Variants in PRSS16 observed in about 807,000 individuals in gnomAD.
The protein encoded by PRSS16 is serine protease 16.
A neutral mutation model predicts 61.7 loss-of-function variants in PRSS16; 43 were observed. The ratio of observed to expected loss-of-function variants is 0.70; its 90% CI spans 0.55 to 0.90. The LOEUF (loss-of-function observed/expected upper bound fraction) is 0.90, where lower values mean the gene tolerates loss of function less well. Among genes scored for constraint, PRSS16 ranks in the 40% least tolerant of loss-of-function variants. The pLI, the probability that PRSS16 is intolerant of heterozygous loss-of-function variation, is 0.00. For missense variants in PRSS16, 591 were observed against 659.1 expected (o/e 0.90, Z 1.13); for synonymous variants, 273 against 285.2 (o/e 0.96, Z 0.43).
intron 9 of PRSS16, chr6:27,253,444 C>T: frequency 2.3e-6 from 1 of 430,072 alleles, no homozygotes; most frequent in South Asian, 1.7e-5. Flanking sequence ...ATGGTTTTCA[C>T]TTCCTCTGTA....
intron 3 of PRSS16, 60 bp downstream of exon 3, chr6:27,249,006 T>G (rs1301054760): frequency 4.6e-6 from 7 of 1,533,962 alleles, no homozygotes; most frequent in Non-Finnish European, 6.3e-6. Flanking sequence ...GAAGGGGAGC[T>G]GCATATTGCA....
intron 4 of PRSS16, 152 bp downstream of exon 4, chr6:27,249,381 T>C (rs1561772595): frequency 1.0e-6 from 1 of 981,026 alleles, no homozygotes; most frequent in Non-Finnish European, 1.5e-6. Flanking sequence ...TAGGGTCTTG[T>C]TTTTTCTCTT....
chr6:27,252,790 A>G lies in PRSS16; in HGVS notation c.1009-18A>G. The G allele has an allele frequency of 4.3e-6, 7 of 1,613,796 alleles. No homozygotes were observed. Among genetic ancestry groups the G allele is most frequent in the East Asian group, 2.2e-5 (1 of 44,866 alleles). ...GAGAGGAGGAATTTATGTCTTATGT[A>G]TGTACATTGTTCCCTAGATTGTCTT... On this transcript the variant is annotated intron_variant, in intron 8 of 11. Transcript: ENST00000230582. The surrounding 1 kb of genome is among the most constrained non-coding windows in gnomAD (Gnocchi z 4.2).
At chr6:27,249,903 C>T (rs775285290) in intron 4 of PRSS16, among the ~76,000 whole-genome samples, 25 of 152,186 alleles carry the variant, frequency 1.6e-4, no homozygotes, top group Admixed American at 2.6e-4. Flanking sequence ...CCTCTCACCC[C>T]AGCCTCCTTC....
intron 2 of PRSS16, among the ~76,000 whole-genome samples, chr6:27,248,495 T>C (rs1003115687): frequency 6.6e-6 from 1 of 152,080 alleles, no homozygotes; most frequent in Non-Finnish European, 1.5e-5. Flanking sequence ...CTGTATTTAG[T>C]CTCCAAATAT....
Position 27,247,746 on chromosome 6 carries a change from C to T in PRSS16, c.9C>T (p.Val3=). Residue 3 remains valine (V), a synonymous_variant, in exon 1 of 12, where the codon GTC becomes GTT. Coordinates refer to ENST00000230582, the MANE Select transcript of PRSS16 (RefSeq NM_005865.4). MA[V]WLAQWLGPLL... ...ACAGAGTCCCGAACACCATGGCCGT[C>T]TGGCTTGCCCAGTGGCTGGGCCCTC... 6.3e-7 allele frequency: 1 copy of T among 1,577,520 alleles called. No homozygotes were observed. Among genetic ancestry groups the T allele is most frequent in the Non-Finnish European group, 8.6e-7 (1 of 1,161,342 alleles).
chr6:27,249,266 A>T, intron 4 of PRSS16, 37 bp downstream of exon 4: 1 of 1,601,154 alleles, frequency 6.2e-7, no homozygotes, highest in Non-Finnish European at 8.5e-7. Flanking sequence ...TGGTCAAAGG[A>T]CAGGAATGTC....
intron 2 of PRSS16, among the ~76,000 whole-genome samples, chr6:27,248,364 C>T (rs1212441762): frequency 1.3e-5 from 2 of 151,834 alleles, no homozygotes; most frequent in African/African-American, 4.8e-5. Flanking sequence ...CAAAACCTAC[C>T]ACCAGGTCTC....
chr6:27,255,160 G>C lies in PRSS16; in HGVS notation c.1476+29G>C. The C allele has an allele frequency of 6.2e-7, 1 of 1,614,064 alleles. No homozygotes were observed. The highest frequency in any genetic ancestry group is 8.5e-7 in the Non-Finnish European group (1 of 1,179,986). On this transcript the variant is annotated intron_variant, in intron 11 of 11. Coordinates refer to ENST00000230582, the MANE Select transcript of PRSS16 (RefSeq NM_005865.4). This position sits in a 1 kb window ranked among gnomAD's most constrained non-coding sequence, Gnocchi z 4.4. ...AGAGAAAAAAGGCTCTGAATCATTT[G>C]CATTCTCATTTGAATAATCACTTGC... is the stretch of plus-strand genomic sequence containing the variant.
chr6:27,249,433 T>C (rs1465788001), intron 4 of PRSS16, among the ~76,000 whole-genome samples: 1 of 152,154 alleles, frequency 6.6e-6, no homozygotes, highest in Non-Finnish European at 1.5e-5. Flanking sequence ...GTCTTTCTCT[T>C]ATCCTGTGTT....
Position 27,251,223 on chromosome 6 carries a change from T to A in PRSS16, c.676T>A (p.Ser226Thr). ...CTCTGCGGTCCGCCCACAGGTGGTA[T>A]CCCGAAGCCTAATGAGCACCGCGAT... is the stretch of plus-strand genomic sequence containing the variant. ...LDFSEYNDVV[S>T]RSLMSTAIGG... The change falls in exon 7 of 12, where the codon TCC (serine) becomes ACC (threonine). Residue 226 changes from serine to threonine, a missense_variant. Coordinates refer to ENST00000230582, the MANE Select transcript of PRSS16 (RefSeq NM_005865.4). This position sits in a 1 kb window ranked among gnomAD's most constrained non-coding sequence, Gnocchi z 5.6. The A allele has an allele frequency of 6.2e-7, 1 of 1,612,364 alleles. No homozygotes were observed. The highest frequency in any genetic ancestry group is 8.5e-7 in the Non-Finnish European group (1 of 1,178,990).
chr6:27,253,243 A>G, intron 9 of PRSS16: 1 of 429,556 alleles, frequency 2.3e-6, no homozygotes, highest in Non-Finnish European at 4.3e-6. Context: ...CCACCAGACT[A>G]GAAACTTGAG....
rs1274475737 is a variant in PRSS16 at position 27,252,243 on chromosome 6, G to A, written c.1008+203G>A. ...CAATCAGCTGGGAGCCTGGCACACA[G>A]TGTGCGAATGTTAGAGACTGCGATT... On this transcript the variant is annotated intron_variant, in intron 8 of 11. Coordinates refer to ENST00000230582, the MANE Select transcript of PRSS16 (RefSeq NM_005865.4). The surrounding 1 kb of genome is among the most constrained non-coding windows in gnomAD (Gnocchi z 4.2). 3 of 633,988 alleles carry A rather than the reference G, an allele frequency of 4.7e-6. No individual in the cohort carries two copies. The highest frequency in any genetic ancestry group is 7.6e-6 in the Non-Finnish European group (3 of 392,746). 39.3% of individuals were successfully genotyped at this position (633,988 alleles called of 1,614,324 possible).
rs1183864659 is a variant in PRSS16, at chr6:27,251,315, G to A, written c.717+51G>A. ...GGGACTGGGAGGGAAAAGAGGCCTCGGATGCCAGGGAAGAGGAGGCCAGAG... is the reference window on the plus strand; with the variant it reads ...GGGACTGGGAGGGAAAAGAGGCCTCAGATGCCAGGGAAGAGGAGGCCAGAG... On this transcript the variant is annotated intron_variant, in intron 7 of 11. Transcript: ENST00000230582. The surrounding 1 kb of genome is among the most constrained non-coding windows in gnomAD (Gnocchi z 5.6). The A allele has an allele frequency of 2.6e-6, 4 of 1,545,502 alleles. No homozygotes were observed. Among genetic ancestry groups the A allele is most frequent in the South Asian group, 2.5e-5 (2 of 80,816 alleles).
chr6:27,252,061 C>A lies in PRSS16; in HGVS notation c.1008+21C>A. Reference sequence around the variant, plus strand: ...TGCAGGTGAGCACTCCCTGGCACAGCTGGGAGGAGTTAGCGGACAAAGATT... The same window carrying A: ...TGCAGGTGAGCACTCCCTGGCACAGATGGGAGGAGTTAGCGGACAAAGATT... On this transcript the variant is annotated intron_variant, in intron 8 of 11. Transcript: ENST00000230582. The surrounding 1 kb of genome is among the most constrained non-coding windows in gnomAD (Gnocchi z 4.2). 6.8e-7 allele frequency: 1 copy of A among 1,469,758 alleles called. No individual in the cohort carries two copies. Among genetic ancestry groups the A allele is most frequent in the Non-Finnish European group, 9.0e-7 (1 of 1,114,766 alleles). 91.0% of individuals were successfully genotyped at this position (1,469,758 alleles called of 1,614,324 possible).
At position 27,252,607 on chromosome 6, in the gene PRSS16, A is replaced by C. The variant is rs375897139; in HGVS notation, c.1009-201A>C. 7.0e-4 allele frequency among the ~76,000 whole-genome samples: 106 copies of C among 152,282 alleles called. No individual in the cohort carries two copies. The highest frequency in any genetic ancestry group is 2.5e-3 in the African/African-American group (103 of 41,554). On this transcript the variant is annotated intron_variant, in intron 8 of 11. Transcript: ENST00000230582. This position sits in a 1 kb window ranked among gnomAD's most constrained non-coding sequence, Gnocchi z 4.2. ...CTTGCCCAAGCTCTCACAGGTAATAAGGTCTCAGTCTTCTAGTGCATTGAT... is the reference window on the plus strand; with the variant it reads ...CTTGCCCAAGCTCTCACAGGTAATACGGTCTCAGTCTTCTAGTGCATTGAT...
chr6:27,251,331 G>C lies in PRSS16; in HGVS notation c.717+67G>C, dbSNP rs951141269. 3.6e-5 allele frequency: 54 copies of C among 1,519,754 alleles called. No homozygotes were observed. Among genetic ancestry groups the C allele is most frequent in the Non-Finnish European group, 4.6e-5 (52 of 1,135,752 alleles). The allele number at this position is 1,519,754 out of a possible 1,614,324, so 94.1% of individuals were successfully genotyped here. On this transcript the variant is annotated intron_variant, in intron 7 of 11. Transcript: ENST00000230582. The surrounding 1 kb of genome is among the most constrained non-coding windows in gnomAD (Gnocchi z 5.6). ...AGAGGCCTCGGATGCCAGGGAAGAGGAGGCCAGAGAAGGGCGAAACCTGCA... is the reference window on the plus strand; with the variant it reads ...AGAGGCCTCGGATGCCAGGGAAGAGCAGGCCAGAGAAGGGCGAAACCTGCA...
intron 9 of PRSS16, chr6:27,253,221 C>T (rs1018986171): frequency 2.1e-6 from 1 of 471,994 alleles, no homozygotes; most frequent in Non-Finnish European, 3.9e-6. Flanking sequence ...AGGGATGGCC[C>T]CCTTTCCCCA....
rs140318437 is a variant in PRSS16 at position 27,248,021 on chromosome 6, C to T, written c.210C>T (p.Asn70=). Residue 70 remains asparagine (N), a synonymous_variant, in exon 2 of 12, where the codon AAC becomes AAT. Transcript: ENST00000230582. ...GWLEQLLDPF[N]VSDRRSFLQR... ...TGGAGCAACTGCTGGACCCCTTCAACGTGTCCGACAGACGATCCTTCCTAC... is the reference window on the plus strand; with the variant it reads ...TGGAGCAACTGCTGGACCCCTTCAATGTGTCCGACAGACGATCCTTCCTAC... The T allele has an allele frequency of 3.7e-4, 601 of 1,613,796 alleles. No homozygotes were observed. Among genetic ancestry groups the T allele is most frequent in the Non-Finnish European group, 4.7e-4 (550 of 1,179,900 alleles).
Sources: gnomAD v4.1 joint callset for allele counts (sites outside exome capture counted in the v4.1 genomes callset) on GRCh38, gnomAD v4.1.1 for gene constraint, Gnocchi (gnomAD v3.1) non-coding constraint, MANE v1.5 for transcripts, NCBI Gene and HGNC (gene_info 2026-07-23, HGNC 2026-07-21) for gene names.